The following ZNF385D variants were observed in gnomAD, a reference collection of about 807,000 sequenced individuals.
The protein encoded by ZNF385D is zinc finger protein 659.
In ZNF385D, 15 loss-of-function variants were observed where a neutral mutation model predicts 35.8. That is an observed-to-expected ratio of 0.42 (90% CI 0.28 to 0.64). The LOEUF (loss-of-function observed/expected upper bound fraction) is 0.64. ZNF385D is among the 30% of genes least tolerant of loss of function. The pLI is 0.23. For synonymous variants in ZNF385D, 212 were observed against 186.8 expected, an observed-to-expected ratio of 1.13 and a Z score of -1.10; for missense variants, 474 against 494.6, an observed-to-expected ratio of 0.96 and a Z score of 0.39.
chr3:21,815,163 C>A (rs1047546420), intron 3 of ZNF385D, among the ~76,000 whole-genome samples: 35 of 152,178 alleles, frequency 2.3e-4, no homozygotes, highest in Non-Finnish European at 4.3e-4. Flanking sequence ...ATACCAGAAT[C>A]TCTGGGACAC....
chr3:22,039,896 T>A (rs1193444291), intron 3 of ZNF385D, among the ~76,000 whole-genome samples: 2 of 152,182 alleles, frequency 1.3e-5, no homozygotes, highest in African/African-American at 4.8e-5. Flanking sequence ...ACTGCTAGAC[T>A]GCTGCCACTG....
At chr3:22,126,895 G>T (rs1362333262) in intron 3 of ZNF385D, among the ~76,000 whole-genome samples, 1 of 152,014 alleles carries the variant, frequency 6.6e-6, no homozygotes, top group African/African-American at 2.4e-5. Flanking sequence ...ATATCATCTT[G>T]ATGAATTCAT....
chr3:22,024,008 C>T (rs1395192696), intron 3 of ZNF385D, among the ~76,000 whole-genome samples: 1 of 152,024 alleles, frequency 6.6e-6, no homozygotes, highest in African/African-American at 2.4e-5. Flanking sequence ...AGGATGTTGC[C>T]AAAGGAGATT....
At chr3:22,061,658 G>A (rs1042364099) in intron 3 of ZNF385D, among the ~76,000 whole-genome samples, 5 of 152,028 alleles carry the variant, frequency 3.3e-5, no homozygotes, top group African/African-American at 1.2e-4. Flanking sequence ...AATGAGTGTC[G>A]ATTCTAGAAT....
chr3:21,818,312 T>C (rs957331209), intron 3 of ZNF385D, among the ~76,000 whole-genome samples: 10 of 152,192 alleles, frequency 6.6e-5, no homozygotes, highest in African/African-American at 2.4e-4. Context: ...ATATGTACTC[T>C]AGAACATAAG....
chr3:21,795,574 C>T (rs551368553), intron 3 of ZNF385D, among the ~76,000 whole-genome samples: 1 of 152,254 alleles, frequency 6.6e-6, no homozygotes, highest in African/African-American at 2.4e-5. Flanking sequence ...CCCTTGGCTC[C>T]TGAAACAGGA....
chr3:21,498,486 A>G (rs1052139998), intron 4 of ZNF385D, among the ~76,000 whole-genome samples: 17 of 152,200 alleles, frequency 1.1e-4, no homozygotes, highest in African/African-American at 4.1e-4. Flanking sequence ...GCTATCTAGA[A>G]TCTATAAGGA....
At chr3:22,043,615 C>A (rs542002060) in intron 3 of ZNF385D, among the ~76,000 whole-genome samples, 1 of 118,462 alleles carries the variant, frequency 8.4e-6, no homozygotes, top group African/African-American at 3.0e-5. Context: ...TAGTCCCTGC[C>A]TTCTCTTCTA....
At chr3:21,473,867 T>C (rs1704057809) in intron 4 of ZNF385D, among the ~76,000 whole-genome samples, 1 of 152,106 alleles carries the variant, frequency 6.6e-6, no homozygotes, top group Non-Finnish European at 1.5e-5. Context: ...TTTTCTTCTA[T>C]TAAACCATCT....
chr3:21,969,552 A>C (rs1226708671), intron 3 of ZNF385D, among the ~76,000 whole-genome samples: 3 of 152,202 alleles, frequency 2.0e-5, no homozygotes, highest in Non-Finnish European at 2.9e-5. Flanking sequence ...AAACGGACTA[A>C]TTAATACCCG....
At chr3:21,568,009 T>A (rs1166687806) in intron 2 of ZNF385D, among the ~76,000 whole-genome samples, 2 of 152,130 alleles carry the variant, frequency 1.3e-5, no homozygotes, top group Admixed American at 6.6e-5. Context: ...GATTTCAAAA[T>A]GCAAAGTGGT....
chr3:22,020,353 T>C (rs1336064924), intron 3 of ZNF385D, among the ~76,000 whole-genome samples: 1 of 151,912 alleles, frequency 6.6e-6, no homozygotes, highest in Non-Finnish European at 1.5e-5. Flanking sequence ...TTCCTATTAT[T>C]TTTAAATTTT....
At chr3:22,350,410 TATC>T (rs1397188954) in intron 2 of ZNF385D, among the ~76,000 whole-genome samples, 1 of 152,154 alleles carries the variant, frequency 6.6e-6, no homozygotes, top group Non-Finnish European at 1.5e-5. Flanking sequence ...ATGTGGATGA[TATC>T]ATAATAAAAT....
chr3:21,668,059 T>C lies in ZNF385D; in HGVS notation c.23-3031A>G, dbSNP rs142060703. On this transcript the variant is annotated intron_variant, in intron 1 of 7. Coordinates refer to ENST00000281523, the MANE Select transcript of ZNF385D (RefSeq NM_024697.3). ...CAGAGGACATGTGTCTACATATTTTTAGACTATCTGCTATGCAAATACAGG... is the reference window on the plus strand; with the variant it reads ...CAGAGGACATGTGTCTACATATTTTCAGACTATCTGCTATGCAAATACAGG... Among the ~76,000 whole-genome samples the C allele has an allele frequency of 4.4e-3, 673 of 152,326 alleles. 6 individuals carry two copies. The highest frequency in any genetic ancestry group is 0.015 in the African/African-American group (605 of 41,568).
chr3:21,475,927 G>C (rs1277197076), intron 4 of ZNF385D, among the ~76,000 whole-genome samples: 1 of 151,860 alleles, frequency 6.6e-6, no homozygotes, highest in Non-Finnish European at 1.5e-5. Flanking sequence ...TCATCCTTTA[G>C]ATATAGCTTT....
At chr3:21,953,580 G>C (rs1019145450) in intron 3 of ZNF385D, among the ~76,000 whole-genome samples, 8 of 152,066 alleles carry the variant, frequency 5.3e-5, no homozygotes, top group African/African-American at 1.9e-4. Context: ...CTTTTAAATA[G>C]GGTAGCTTCC....
intron 2 of ZNF385D, among the ~76,000 whole-genome samples, chr3:21,592,540 T>C (rs1314252699): frequency 1.6e-5 from 1 of 63,168 alleles, no homozygotes; most frequent in African/African-American, 6.1e-5. Context: ...TTTGTCTTCA[T>C]GGCAAAAAAA....
At chr3:21,861,718 T>G (rs532013110) in intron 3 of ZNF385D, among the ~76,000 whole-genome samples, 1 of 152,246 alleles carries the variant, frequency 6.6e-6, no homozygotes, top group African/African-American at 2.4e-5. Flanking sequence ...AGCAATTCTT[T>G]CCCTTTTATG....
intron 3 of ZNF385D, among the ~76,000 whole-genome samples, chr3:21,925,136 G>A (rs1700664452): frequency 6.6e-6 from 1 of 152,050 alleles, no homozygotes; most frequent in African/African-American, 2.4e-5. Context: ...ACTTTTATAG[G>A]TATACATACA....
Sources: allele counts gnomAD v4.1 joint callset (sites outside exome capture counted in the v4.1 genomes callset), GRCh38; gene constraint gnomAD v4.1.1; transcripts MANE v1.5; gene names NCBI Gene and HGNC (gene_info 2026-07-23, HGNC 2026-07-21).